BRD4: variants seen among roughly 807,000 people sequenced by gnomAD.
BRD4 encodes the protein bromodomain-containing protein 4.
A neutral mutation model predicts 142.1 loss-of-function variants in BRD4; 16 were observed. That is an observed-to-expected ratio of 0.11 (90% CI 0.08 to 0.17). The LOEUF (loss-of-function observed/expected upper bound fraction) is 0.17. Among genes scored for constraint, BRD4 ranks in the 10% least tolerant of loss-of-function variants. The probability of loss-of-function intolerance (pLI) is 1.00; values close to 1 mark genes in which losing one functional copy is unlikely to be tolerated. For missense variants in BRD4, 1,424 were observed against 1,810.9 expected, an observed-to-expected ratio of 0.79 and a Z score of 3.88; for synonymous variants, 833 against 707.5, an observed-to-expected ratio of 1.18 and a Z score of -2.82.
chr19:15,331,319 C>G (rs1345001317), intron 1 of BRD4, among the ~76,000 whole-genome samples: 1 of 152,202 alleles, frequency 6.6e-6, no homozygotes, highest in Non-Finnish European at 1.5e-5. Flanking sequence ...GGCATCTCAG[C>G]CGAGTGAAGC....
At chr19:15,249,152 G>A in intron 11 of BRD4, 1 of 1,506,438 alleles carries the variant, frequency 6.6e-7, no homozygotes. Context: ...ACAGGCCCAG[G>A]GCTCTGAGGA....
rs774292197 is a variant in BRD4, at chr19:15,263,537, C to T, written c.1224G>A (p.Glu408=). Residue 408 remains glutamate, a synonymous_variant, in exon 7 of 20, where the codon GAG becomes GAA. Coordinates refer to ENST00000679869, the MANE Select transcript of BRD4 (RefSeq NM_001379291.1). ...MDMSTIKSKL[E]AREYRDAQEF... is the part of the protein sequence containing the mutation. Reference sequence around the variant, plus strand: ...CCTGAGCATCACGGTACTCACGGGCCTCCAGTTTAGACTGGAAAACAAGAC... The same window carrying T: ...CCTGAGCATCACGGTACTCACGGGCTTCCAGTTTAGACTGGAAAACAAGAC... 5 of 1,614,230 alleles carry T rather than the reference C, an allele frequency of 3.1e-6. No homozygotes were observed. The South Asian group carries it at 4.4e-5, about 14-fold the overall frequency.
intron 1 of BRD4, among the ~76,000 whole-genome samples, chr19:15,320,747 C>CA (rs906068677): frequency 2.0e-5 from 3 of 152,180 alleles, no homozygotes; most frequent in African/African-American, 7.2e-5. Context: ...GTAAGATACA[C>CA]AGTGTCTTTC....
At chr19:15,323,460 A>G (rs1288560203) in intron 1 of BRD4, among the ~76,000 whole-genome samples, 1 of 152,098 alleles carries the variant, frequency 6.6e-6, no homozygotes, top group Non-Finnish European at 1.5e-5. Flanking sequence ...CTCCCACAAA[A>G]TATGTTTCCT....
chr19:15,316,039 C>T (rs1363638438), intron 1 of BRD4, among the ~76,000 whole-genome samples: 5 of 150,990 alleles, frequency 3.3e-5, no homozygotes, highest in African/African-American at 1.2e-4. Flanking sequence ...GCCTGTGGTC[C>T]CAGCTACTTG....
At position 15,239,014 on chromosome 19, in the gene BRD4, G is replaced by T; in HGVS notation, c.3783-34C>A. 6.3e-7 allele frequency: 1 copy of T among 1,577,512 alleles called. No homozygotes were observed. The highest frequency in any genetic ancestry group is 1.1e-5 in the South Asian group (1 of 88,392). Reference sequence around the variant, plus strand: ...AGGGTCCCAGTCAGCCTGGGGACTGGTGTGGCCCCAAGAGTCCCCATGCCC... The same window carrying T: ...AGGGTCCCAGTCAGCCTGGGGACTGTTGTGGCCCCAAGAGTCCCCATGCCC... On this transcript the variant is annotated intron_variant, in intron 18 of 19. Coordinates refer to ENST00000679869, the MANE Select transcript of BRD4 (RefSeq NM_001379291.1). This position sits in a 1 kb window ranked among gnomAD's most constrained non-coding sequence, Gnocchi z 7.4.
intron 1 of BRD4, among the ~76,000 whole-genome samples, chr19:15,312,130 C>A (rs1255498982): frequency 6.6e-6 from 1 of 152,146 alleles, no homozygotes; most frequent in African/African-American, 2.4e-5. Context: ...GGGAAAATGC[C>A]CTCACAGGGC....
In BRD4 at chr19:15,239,659, G is replaced by A. The variant is rs779348570; in HGVS notation, c.3445C>T (p.Arg1149Trp). The A allele has an allele frequency of 5.7e-6, 9 of 1,580,400 alleles. No individual in the cohort carries two copies. The highest frequency in any genetic ancestry group is 4.1e-5 in the African/African-American group (3 of 73,654). ...SIKAPVHLPQ[R>W]PEMKPVDVGR... ...GGCTGTGGGCAGGGAGAGCACTCAC[G>A]CTGGGGCAGGTGGACGGGGGCCTTG... The change falls in exon 16 of 20, where the codon CGG (arginine) becomes TGG (tryptophan). Residue 1149 changes from arginine to tryptophan, a missense_variant and splice_region_variant. Around this residue, in one of 16 missense-constraint regions of BRD4, gnomAD observed 598 missense variants for 647.8 expected, o/e 0.92. Coordinates refer to ENST00000679869, the MANE Select transcript of BRD4 (RefSeq NM_001379291.1). The surrounding 1 kb of genome is among the most constrained non-coding windows in gnomAD (Gnocchi z 7.4).
At position 15,295,976 on chromosome 19, in the gene BRD4, A is replaced by C. The variant is rs185558473; in HGVS notation, c.-34-22843T>G. 5.3e-5 allele frequency among the ~76,000 whole-genome samples: 8 copies of C among 152,202 alleles called. No homozygotes were observed. In the East Asian group the frequency reaches 1.5e-3, roughly 29 times the overall value. ...ACAAAGGCGAAACTCAGTCTCCAAA[A>C]AAAACTGTCTTTGTTCACAGATATG... On this transcript the variant is annotated intron_variant, in intron 1 of 19. Coordinates refer to ENST00000679869, the MANE Select transcript of BRD4 (RefSeq NM_001379291.1).
chr19:15,275,761 C>T (rs1339322035), intron 1 of BRD4: 2 of 152,174 alleles, frequency 1.3e-5, no homozygotes, highest in Non-Finnish European at 2.9e-5. Flanking sequence ...AATCCCAGCA[C>T]TTCGGGAGGC....
chr19:15,237,914 C>T lies in BRD4; in HGVS notation c.*463G>A, dbSNP rs201418824. 1.3e-3 allele frequency: 318 copies of T among 243,496 alleles called. No individual in the cohort carries two copies. Among genetic ancestry groups the T allele is most frequent in the Non-Finnish European group, 1.7e-3 (215 of 124,884 alleles). The allele number at this position is 243,496 out of a possible 1,614,324, so 15.1% of individuals were successfully genotyped here. Reference sequence around the variant, plus strand: ...CCCGCCTCCAGCCCACGCAGGCCTGCCCTGGCCTCCTGGGAGCGGGCGGCG... The same window carrying T: ...CCCGCCTCCAGCCCACGCAGGCCTGTCCTGGCCTCCTGGGAGCGGGCGGCG... On this transcript the variant is annotated 3_prime_UTR_variant, in exon 20 of 20. Coordinates refer to ENST00000679869, the MANE Select transcript of BRD4 (RefSeq NM_001379291.1).
At chr19:15,297,496 C>A (rs566039994) in intron 1 of BRD4, among the ~76,000 whole-genome samples, 2 of 152,168 alleles carry the variant, frequency 1.3e-5, no homozygotes, top group African/African-American at 2.4e-5. Flanking sequence ...TGGGGTACTG[C>A]GGTTGCTTTT....
intron 10 of BRD4, 35 bp downstream of exon 10, chr19:15,255,262 A>G: frequency 6.3e-7 from 1 of 1,588,556 alleles, no homozygotes; most frequent in Non-Finnish European, 8.6e-7. Context: ...GGGTGCCCAC[A>G]GAAGGAACCC....
chr19:15,327,907 TGGATTTCTTTTGGGGGGGGGGG>T (rs1391127360), intron 1 of BRD4, among the ~76,000 whole-genome samples: 1 of 80,332 alleles, frequency 1.2e-5, no homozygotes, highest in Non-Finnish European at 2.2e-5. Context: ...TGATAGGTAA[TGGATTTCTTTTGGGGGGGGGGG>T]GTGGAAATGT....
At chr19:15,246,326 G>C (rs1302149216) in intron 11 of BRD4, among the ~76,000 whole-genome samples, 1 of 152,172 alleles carries the variant, frequency 6.6e-6, no homozygotes, top group Non-Finnish European at 1.5e-5. Context: ...CACAGGACCA[G>C]GGGGACCCTG....
intron 1 of BRD4, among the ~76,000 whole-genome samples, chr19:15,299,845 G>A (rs2145684946): frequency 6.6e-6 from 1 of 152,330 alleles, no homozygotes; most frequent in South Asian, 2.1e-4. Flanking sequence ...ACCCAGGCCT[G>A]TTAAGGTTCA....
intron 4 of BRD4, among the ~76,000 whole-genome samples, chr19:15,266,514 G>T (rs1394405936): frequency 6.6e-6 from 1 of 152,188 alleles, no homozygotes; most frequent in Admixed American, 6.5e-5. Flanking sequence ...CCAGCGTGCA[G>T]CCCAAACCCC....
intron 1 of BRD4, among the ~76,000 whole-genome samples, chr19:15,314,763 G>A (rs2048002122): frequency 6.6e-6 from 1 of 152,170 alleles, no homozygotes; most frequent in South Asian, 2.1e-4. Flanking sequence ...AGGGGACAGT[G>A]GCTACCAGGC....
chr19:15,322,741 C>A (rs553365738), intron 1 of BRD4, among the ~76,000 whole-genome samples: 5 of 149,946 alleles, frequency 3.3e-5, no homozygotes, highest in Admixed American at 1.3e-4. Flanking sequence ...GTGGCAGGTG[C>A]CTGTAGTCCC....
Sources: allele counts gnomAD v4.1 joint callset (sites outside exome capture counted in the v4.1 genomes callset), GRCh38; gene constraint gnomAD v4.1.1; regional missense constraint gnomAD v4.1.1; non-coding constraint Gnocchi (gnomAD v3.1); transcripts MANE v1.5; gene names NCBI Gene and HGNC (gene_info 2026-07-23, HGNC 2026-07-21).